The following DNAH12 variants were observed in gnomAD, a reference collection of about 807,000 sequenced individuals.
DNAH12 encodes the protein axonemal beta dynein heavy chain 12.
In DNAH12, 285 loss-of-function variants were observed where a neutral mutation model predicts 371.5. The ratio of observed to expected loss-of-function variants is 0.77; its 90% CI spans 0.70 to 0.85. The LOEUF (loss-of-function observed/expected upper bound fraction) is 0.85, where lower values mean the gene tolerates loss of function less well. Ranked by LOEUF, DNAH12 falls within the 40% of genes least tolerant of loss-of-function variation. The pLI is 0.00. For missense variants in DNAH12, 3,611 were observed against 3,689.4 expected (o/e 0.98, Z 0.55); for synonymous variants, 1,200 against 1,213.0 (o/e 0.99, Z 0.22).
intron 22 of DNAH12, among the ~76,000 whole-genome samples, chr3:57,455,603 CAAAT>C (rs1462379663): frequency 6.6e-6 from 1 of 151,488 alleles, no homozygotes; most frequent in Non-Finnish European, 1.5e-5. Flanking sequence ...CAAAACTAGT[CAAAT>C]AGATTATGTA....
At chr3:57,429,004 T>C (rs541478459) in intron 33 of DNAH12, among the ~76,000 whole-genome samples, 183 bp from the exon 34 acceptor site, 7 of 152,202 alleles carry the variant, frequency 4.6e-5, no homozygotes, top group Non-Finnish European at 7.3e-5. Flanking sequence ...GTTCCCCAGA[T>C]ATGTAAAGGC....
intron 13 of DNAH12, among the ~76,000 whole-genome samples, chr3:57,480,543 AAG>A (rs1346582000): frequency 4.6e-5 from 7 of 151,196 alleles, no homozygotes; most frequent in African/African-American, 1.7e-4. Context: ...TCAATAGAAA[AAG>A]AGGGAATCCT....
In DNAH12 at chr3:57,458,483, C is replaced by T. The variant is rs908146902; in HGVS notation, c.2932-263G>A. Among the ~76,000 whole-genome samples, 7 of 152,220 alleles carry T rather than the reference C, an allele frequency of 4.6e-5. No individual in the cohort carries two copies. The East Asian group carries it at 1.3e-3, about 29-fold the overall frequency. On this transcript the variant is annotated intron_variant, in intron 20 of 73. Coordinates refer to ENST00000495027, the MANE Select transcript of DNAH12 (RefSeq NM_001366028.2). ...TATTGTCATTTCTCCTATATTATTTCGAATGATGTGAGAAAAGTCTGTTTG... is the reference window on the plus strand; with the variant it reads ...TATTGTCATTTCTCCTATATTATTTTGAATGATGTGAGAAAAGTCTGTTTG...
At chr3:57,395,179 T>C (rs2153348656) in intron 43 of DNAH12, among the ~76,000 whole-genome samples, 1 of 149,336 alleles carries the variant, frequency 6.7e-6, no homozygotes, top group South Asian at 2.1e-4. Flanking sequence ...TGATGTTCCA[T>C]GCATATCTCT....
In DNAH12 at chr3:57,323,278, A is replaced by C. The variant is rs2061851736; in HGVS notation, c.10130-18T>G. ...CAGCAGGCCTATAAGAGGCACAAAA[A>C]AATGGTCACACTACTTACTCTAAAA... On this transcript the variant is annotated intron_variant, in intron 63 of 73. Transcript: ENST00000495027. 1 of 1,547,276 alleles carries C rather than the reference A, an allele frequency of 6.5e-7. No homozygotes were observed.
intron 11 of DNAH12, among the ~76,000 whole-genome samples, chr3:57,498,808 G>T (rs1037211282): frequency 6.6e-6 from 1 of 152,086 alleles, no homozygotes; most frequent in African/African-American, 2.4e-5. Context: ...GACCATCCTG[G>T]CTAACATGGT....
At chr3:57,496,118 C>T (rs1026412200) in intron 11 of DNAH12, among the ~76,000 whole-genome samples, 3 of 151,530 alleles carry the variant, frequency 2.0e-5, no homozygotes, top group Admixed American at 1.3e-4. Flanking sequence ...TGTGGCAAAC[C>T]GAATCCTGTC....
chr3:57,346,324 C>A (rs1252556560), intron 60 of DNAH12, among the ~76,000 whole-genome samples: 1 of 152,056 alleles, frequency 6.6e-6, no homozygotes, highest in African/African-American at 2.4e-5. Context: ...TGTAAAGAGT[C>A]TGTTACAAAG....
At chr3:57,478,149 C>T (rs373865749) in intron 13 of DNAH12, among the ~76,000 whole-genome samples, 1 of 151,994 alleles carries the variant, frequency 6.6e-6, no homozygotes, top group Admixed American at 6.6e-5. Context: ...AAGTTCGAAC[C>T]CATGGCAAAG....
In DNAH12 at chr3:57,366,845, T is replaced by C. The variant is rs1180023831; in HGVS notation, c.9051A>G (p.Lys3017=). 1.3e-5 allele frequency: 2 copies of C among 152,140 alleles called. No individual in the cohort carries two copies. The highest frequency in any genetic ancestry group is 1.3e-4 in the Admixed American group (2 of 15,270). 9.4% of individuals were successfully genotyped at this position (152,140 alleles called of 1,614,324 possible). A position where few individuals can be genotyped will look rare whatever the true frequency, so the allele number is the denominator to read the frequency against. ...CTGGCATATAGTGCGGGTTTCTCAG[T>C]TTTGTGGTGATATAAAATTTGAAAT... ...SFDFKFYITT[K]LRNPHYMPEL... Residue 3017 remains lysine (K), a synonymous_variant, in exon 57 of 74, where the codon AAA becomes AAG. Coordinates refer to ENST00000495027, the MANE Select transcript of DNAH12 (RefSeq NM_001366028.2).
chr3:57,463,684 T>C (rs1378503684), intron 17 of DNAH12, among the ~76,000 whole-genome samples: 2 of 152,164 alleles, frequency 1.3e-5, no homozygotes, highest in African/African-American at 4.8e-5. Flanking sequence ...TTCCCTAGAA[T>C]TCATCAGAAC....
chr3:57,393,115 G>C (rs1274347952), intron 44 of DNAH12, among the ~76,000 whole-genome samples: 2 of 152,110 alleles, frequency 1.3e-5, no homozygotes, highest in Non-Finnish European at 2.9e-5. Context: ...TATTTTGTTT[G>C]ATTCTCAAAC....
chr3:57,332,264 T>C (rs1297376420), intron 62 of DNAH12, among the ~76,000 whole-genome samples: 3 of 152,234 alleles, frequency 2.0e-5, no homozygotes, highest in Admixed American at 6.5e-5. Context: ...TGAAAATTGG[T>C]GTCAGCCTAC....
chr3:57,492,794 C>T (rs1025595574), intron 11 of DNAH12, among the ~76,000 whole-genome samples: 1 of 152,070 alleles, frequency 6.6e-6, no homozygotes, highest in Non-Finnish European at 1.5e-5. Flanking sequence ...GGATCATGAT[C>T]AGGAGATTGA....
intron 4 of DNAH12, among the ~76,000 whole-genome samples, chr3:57,522,839 CTT>C (rs374960366): frequency 2.8e-5 from 4 of 145,394 alleles, no homozygotes; most frequent in South Asian, 2.2e-4. Flanking sequence ...CAGTCAGTGT[CTT>C]TTTTTTTTTT....
At chr3:57,417,869 G>C (rs949424353) in intron 37 of DNAH12, among the ~76,000 whole-genome samples, 3 of 152,082 alleles carry the variant, frequency 2.0e-5, no homozygotes, top group African/African-American at 7.2e-5. Context: ...GAAAAAAACA[G>C]GCTGGGCACG....
chr3:57,365,965 C>G (rs942700854), intron 57 of DNAH12, among the ~76,000 whole-genome samples: 3,603 of 151,968 alleles, frequency 0.024, 63 homozygotes, highest in Admixed American at 0.035. Flanking sequence ...GTCATGGTGT[C>G]AGAGGAATTT....
intron 29 of DNAH12, among the ~76,000 whole-genome samples, chr3:57,438,755 C>T (rs891926263): frequency 1.3e-5 from 2 of 151,898 alleles, no homozygotes; most frequent in East Asian, 3.9e-4. Context: ...AGGTTCAAGA[C>T]CAGCCTGGCC....
At chr3:57,315,440 C>T (rs1242967055) in intron 65 of DNAH12, among the ~76,000 whole-genome samples, 1 of 149,588 alleles carries the variant, frequency 6.7e-6, no homozygotes, top group Non-Finnish European at 1.5e-5. Context: ...TGTGGTGAAA[C>T]ATTTCATAGG....
Sources: gnomAD v4.1 joint callset for allele counts (sites outside exome capture counted in the v4.1 genomes callset) on GRCh38, gnomAD v4.1.1 for gene constraint, MANE v1.5 for transcripts, NCBI Gene and HGNC (gene_info 2026-07-23, HGNC 2026-07-21) for gene names.